TNFSF4: variants seen among roughly 807,000 people sequenced by gnomAD.
TNFSF4 encodes tumor necrosis factor ligand superfamily member 4.
A neutral mutation model predicts 7.3 loss-of-function variants in TNFSF4; 4 were observed. The ratio of observed to expected loss-of-function variants is 0.55; its 90% CI spans 0.27 to 1.25. TNFSF4 has a LOEUF of 1.25. Among genes scored for constraint, TNFSF4 ranks in the 50% most tolerant of loss-of-function variants. The probability of loss-of-function intolerance (pLI) is 0.12; values close to 1 mark genes in which losing one functional copy is unlikely to be tolerated. For synonymous variants in TNFSF4, 76 were observed against 83.7 expected, an observed-to-expected ratio of 0.91 and a Z score of 0.50; for missense variants, 181 against 208.8, an observed-to-expected ratio of 0.87 and a Z score of 0.82.
the TNFSF4 span, among the ~76,000 whole-genome samples, chr1:173,252,421 T>C: frequency 6.6e-6 from 1 of 152,156 alleles, no homozygotes; most frequent in African/African-American, 2.4e-5. Context: ...TTAAAATACA[T>C]AATTATTTGC....
At chr1:173,363,693 G>C in the TNFSF4 span, 4 of 263,932 alleles carry the variant, frequency 1.5e-5, no homozygotes, top group Non-Finnish European at 3.0e-5. Flanking sequence ...TGATGGTTCA[G>C]TTAAGATGTT....
chr1:173,323,915 G>A, the TNFSF4 span, among the ~76,000 whole-genome samples: 2 of 152,210 alleles, frequency 1.3e-5, no homozygotes, highest in African/African-American at 2.4e-5. Context: ...CAGGGAGAAT[G>A]CAACCAAGTT....
the TNFSF4 span, among the ~76,000 whole-genome samples, chr1:173,346,181 T>G: frequency 6.6e-6 from 1 of 152,184 alleles, no homozygotes; most frequent in African/African-American, 2.4e-5. Flanking sequence ...AACTCTGCAC[T>G]GCTTTAGGAC....
upstream of TNFSF4, among the ~76,000 whole-genome samples, chr1:173,210,619 T>C (rs1029076773): frequency 4.6e-5 from 7 of 152,154 alleles, no homozygotes; most frequent in Non-Finnish European, 8.8e-5. Flanking sequence ...ATGGAGAGGT[T>C]TGAAGCAGAA....
chr1:173,184,112 C>T lies in TNFSF4; in HGVS notation c.*2404G>A, dbSNP rs1649123513. 6.6e-6 allele frequency: 1 copy of T among 152,176 alleles called. No homozygotes were observed. Among genetic ancestry groups the T allele is most frequent in the African/African-American group, 2.4e-5 (1 of 41,440 alleles). 9.4% of individuals were successfully genotyped at this position (152,176 alleles called of 1,614,324 possible). On this transcript the variant is annotated 3_prime_UTR_variant, in exon 3 of 3. Transcript: ENST00000281834. ...TTAATATGTGCATTCACAGATAACA[C>T]TGTAAGCATAAGATTCTAAACTGTT... is the stretch of plus-strand genomic sequence containing the variant.
chr1:173,376,943 C>A, the TNFSF4 span, among the ~76,000 whole-genome samples: 1 of 152,220 alleles, frequency 6.6e-6, no homozygotes, highest in African/African-American at 2.4e-5. Context: ...TCCGGACGCA[C>A]CACTTTTAAG....
the TNFSF4 span, among the ~76,000 whole-genome samples, chr1:173,339,432 G>T: frequency 6.6e-6 from 1 of 152,026 alleles, no homozygotes; most frequent in Non-Finnish European, 1.5e-5. Flanking sequence ...TTCTGAATGG[G>T]TAGTGAAAGA....
chr1:173,384,084 T>C, the TNFSF4 span, among the ~76,000 whole-genome samples: 3 of 152,194 alleles, frequency 2.0e-5, no homozygotes, highest in South Asian at 6.2e-4. Context: ...GTTGATGCAT[T>C]TGACATTGCC....
At chr1:173,377,341 C>T in the TNFSF4 span, among the ~76,000 whole-genome samples, 1 of 152,140 alleles carries the variant, frequency 6.6e-6, no homozygotes, top group African/African-American at 2.4e-5. Flanking sequence ...GAGCGTCAGG[C>T]TTTCTGGAAA....
chr1:173,371,351 T>C, the TNFSF4 span, among the ~76,000 whole-genome samples: 2 of 152,188 alleles, frequency 1.3e-5, no homozygotes, highest in Non-Finnish European at 1.5e-5. Flanking sequence ...GGGAGGGATA[T>C]ATTAGCCAAA....
the TNFSF4 span, among the ~76,000 whole-genome samples, chr1:173,326,188 C>T: frequency 6.6e-6 from 1 of 152,136 alleles, no homozygotes; most frequent in African/African-American, 2.4e-5. Flanking sequence ...GGGCTTCATC[C>T]CTGGGATGCA....
chr1:173,243,011 G>C, the TNFSF4 span, among the ~76,000 whole-genome samples: 118 of 112,570 alleles, frequency 1.0e-3, 15 homozygotes, highest in African/African-American at 2.7e-3. Context: ...GGGTGGGGGG[G>C]GGGGGGGAGC....
At chr1:173,337,764 T>C in the TNFSF4 span, among the ~76,000 whole-genome samples, 44 of 152,304 alleles carry the variant, frequency 2.9e-4, no homozygotes, top group African/African-American at 1.0e-3. Flanking sequence ...TTGTGGCCAA[T>C]GGTTTGGCTG....
the TNFSF4 span, among the ~76,000 whole-genome samples, chr1:173,173,230 T>A: frequency 7.9e-5 from 12 of 152,314 alleles, no homozygotes; most frequent in Admixed American, 7.8e-4. Context: ...CTCCTGTTTC[T>A]CACATTTCAA....
intron 1 of TNFSF4, among the ~76,000 whole-genome samples, chr1:173,197,132 C>A (rs1181078721): frequency 6.6e-6 from 1 of 152,150 alleles, no homozygotes; most frequent in African/African-American, 2.4e-5. Context: ...TAGAAATTGG[C>A]CTATTCTAGT....
chr1:173,333,705 G>A, the TNFSF4 span, among the ~76,000 whole-genome samples: 1 of 152,240 alleles, frequency 6.6e-6, no homozygotes, highest in South Asian at 2.1e-4. Flanking sequence ...CAGGAACCCT[G>A]TTCTCAGACT....
the TNFSF4 span, among the ~76,000 whole-genome samples, chr1:173,394,086 A>C: frequency 6.6e-6 from 1 of 152,090 alleles, no homozygotes; most frequent in East Asian, 1.9e-4. Context: ...TTGATATTAC[A>C]AGCAAAAAAT....
At chr1:173,262,647 G>A in the TNFSF4 span, among the ~76,000 whole-genome samples, 56 of 136,202 alleles carry the variant, frequency 4.1e-4, 1 homozygote, top group African/African-American at 1.5e-3. Context: ...CTGTCGCCCA[G>A]GCTGGAGTGC....
chr1:173,314,007 A>G, the TNFSF4 span, among the ~76,000 whole-genome samples: 1 of 151,820 alleles, frequency 6.6e-6, no homozygotes, highest in Non-Finnish European at 1.5e-5. Context: ...ATTTTGCTGC[A>G]TTGACTTTTA....
Sources: allele counts gnomAD v4.1 joint callset (sites outside exome capture counted in the v4.1 genomes callset), GRCh38; gene constraint gnomAD v4.1.1; transcripts MANE v1.5; gene names NCBI Gene and HGNC (gene_info 2026-07-23, HGNC 2026-07-21).